Variants in MAML3 observed in about 807,000 individuals in gnomAD.
MAML3 encodes the protein mastermind like transcriptional coactivator 3.
In MAML3, 27 loss-of-function variants were observed where a neutral mutation model predicts 101.9. The ratio of observed to expected loss-of-function variants is 0.27; its 90% CI spans 0.20 to 0.37. The LOEUF is 0.37. Ranked by LOEUF, MAML3 falls within the 10% of genes least tolerant of loss-of-function variation. The pLI is 1.00. For synonymous variants in MAML3, 501 were observed against 555.9 expected (o/e 0.90, Z 1.39); for missense variants, 1,316 against 1,444.9 (o/e 0.91, Z 1.45).
chr4:140,029,406 T>C (rs1324058299), intron 1 of MAML3, among the ~76,000 whole-genome samples: 2 of 152,202 alleles, frequency 1.3e-5, no homozygotes, highest in East Asian at 3.8e-4. Flanking sequence ...ATATCCATGC[T>C]CACATTTGGA....
intron 2 of MAML3, among the ~76,000 whole-genome samples, chr4:139,880,873 A>G (rs1712325449): frequency 6.6e-6 from 1 of 152,204 alleles, no homozygotes; most frequent in African/African-American, 2.4e-5. Context: ...GCTCCAGTAC[A>G]ATCACAATAC....
chr4:140,094,920 A>C (rs1728130700), intron 1 of MAML3, among the ~76,000 whole-genome samples: 1 of 152,018 alleles, frequency 6.6e-6, no homozygotes, highest in Non-Finnish European at 1.5e-5. Flanking sequence ...CTCTTCTCCC[A>C]CCCTTCTAGC....
At chr4:139,809,095 T>C (rs1324110004) in intron 2 of MAML3, among the ~76,000 whole-genome samples, 1 of 152,220 alleles carries the variant, frequency 6.6e-6, no homozygotes, top group Non-Finnish European at 1.5e-5. Context: ...AGGGTTCTTA[T>C]TTCATCTCCA....
At chr4:139,930,076 C>T (rs1733351013) in intron 1 of MAML3, among the ~76,000 whole-genome samples, 1 of 152,214 alleles carries the variant, frequency 6.6e-6, no homozygotes, top group Non-Finnish European at 1.5e-5. Context: ...AAGGCTCTCA[C>T]AGAACAAAGC....
At chr4:139,817,723 G>A (rs1280557513) in intron 2 of MAML3, among the ~76,000 whole-genome samples, 1 of 152,296 alleles carries the variant, frequency 6.6e-6, no homozygotes, top group Non-Finnish European at 1.5e-5. Context: ...AAACTCTTCA[G>A]TGACTTTCCA....
Position 140,153,377 on chromosome 4 carries a change from CT to C in MAML3, c.-51del, listed in dbSNP as rs1239841094. The C allele has an allele frequency of 2.7e-6, 4 of 1,506,634 alleles. No individual in the cohort carries two copies. The highest frequency in any genetic ancestry group is 1.4e-5 in the African/African-American group (1 of 71,696). The allele number at this position is 1,506,634 out of a possible 1,614,324, so 93.3% of individuals were successfully genotyped here. A position where few individuals can be genotyped will look rare whatever the true frequency, so the allele number is the denominator to read the frequency against. ...GGAAGAACTTTTTTTATCCACCCCC[CT>C]ATCAGCCTCCTCCTTGGGTCCAAGG... On this transcript the variant is annotated 5_prime_UTR_variant, in exon 1 of 5. It adds an upstream start codon to the 5' untranslated region. Transcript: ENST00000509479.
chr4:140,058,410 T>A (rs1187606808), intron 1 of MAML3, among the ~76,000 whole-genome samples: 1 of 152,016 alleles, frequency 6.6e-6, no homozygotes, highest in Non-Finnish European at 1.5e-5. Flanking sequence ...AGAGTATTTT[T>A]AAAAATTACT....
intron 1 of MAML3, among the ~76,000 whole-genome samples, chr4:139,930,520 C>T (rs116472559): frequency 7.9e-5 from 12 of 152,308 alleles, no homozygotes; most frequent in African/African-American, 2.9e-4. Context: ...TATTAAGAAA[C>T]ATCTTTATAA....
At chr4:140,064,694 G>C (rs1244931483) in intron 1 of MAML3, among the ~76,000 whole-genome samples, 2 of 152,136 alleles carry the variant, frequency 1.3e-5, no homozygotes, top group African/African-American at 2.4e-5. Flanking sequence ...TTTAACAGTA[G>C]AGTGTATTCA....
intron 3 of MAML3, among the ~76,000 whole-genome samples, 162 bp from the exon 4 acceptor site, chr4:139,725,997 G>A (rs1728458643): frequency 6.6e-6 from 1 of 152,168 alleles, no homozygotes; most frequent in Admixed American, 6.5e-5. Flanking sequence ...TAAGGATAGA[G>A]TCAGGTAGGT....
intron 1 of MAML3, among the ~76,000 whole-genome samples, chr4:140,107,238 A>G (rs1728367079): frequency 6.6e-6 from 1 of 152,234 alleles, no homozygotes; most frequent in Admixed American, 6.5e-5. Context: ...TACTGAATGG[A>G]GGACCAATCT....
rs913545453 is a variant in MAML3 at position 140,147,165 on chromosome 4, G to A, written c.468+5695C>T. On this transcript the variant is annotated intron_variant, in intron 1 of 4. Coordinates refer to ENST00000509479, the MANE Select transcript of MAML3 (RefSeq NM_018717.5). ...AAAAAAAAAAAAAAAAAATTGTTAC[G>A]CCCTTGAATCTGGCTAGAATAATAC... 1.4e-4 allele frequency among the ~76,000 whole-genome samples: 20 copies of A among 144,672 alleles called. 1 individual carries two copies. The highest frequency in any genetic ancestry group is 8.7e-4 in the South Asian group (4 of 4,572). The allele number at this position is 144,672 out of a possible 152,430, so 94.9% of individuals were successfully genotyped here.
At chr4:139,828,293 AAGC>A (rs141111955) in intron 2 of MAML3, among the ~76,000 whole-genome samples, 2,588 of 152,348 alleles carry the variant, frequency 0.017, 32 homozygotes, top group Middle Eastern at 0.061. Context: ...GCTTCTTAAA[AAGC>A]ATAAAACAAA....
At chr4:140,116,726 G>T (rs1257369898) in intron 1 of MAML3, among the ~76,000 whole-genome samples, 1 of 152,166 alleles carries the variant, frequency 6.6e-6, no homozygotes, top group Non-Finnish European at 1.5e-5. Flanking sequence ...AACTGAAATG[G>T]CAGCAGGTTT....
At chr4:139,997,561 T>C (rs1309769499) in intron 1 of MAML3, among the ~76,000 whole-genome samples, 1 of 152,106 alleles carries the variant, frequency 6.6e-6, no homozygotes, top group Non-Finnish European at 1.5e-5. Flanking sequence ...TATCATTTCA[T>C]GTCTTTTAAA....
chr4:139,730,614 C>T lies in MAML3; in HGVS notation c.2133G>A (p.Val711=), dbSNP rs748009799. 3.1e-6 allele frequency: 5 copies of T among 1,612,776 alleles called. No individual in the cohort carries two copies. The highest frequency in any genetic ancestry group is 2.2e-5 in the South Asian group (2 of 90,548). The change falls in exon 3 of 5, where the codon GTG becomes GTA. Residue 711 remains valine, a synonymous_variant. Coordinates refer to ENST00000509479, the MANE Select transcript of MAML3 (RefSeq NM_018717.5). ...AGACCATGCCACCTGAGCCTGGGGG[C>T]ACGGAGGACTGCATGGGGCCTGTGG... ...PRTTGPMQSS[V]PPGSGGMVSG... is the part of the protein sequence containing the mutation.
At chr4:139,776,651 G>C (rs1730102813) in intron 2 of MAML3, among the ~76,000 whole-genome samples, 1 of 152,150 alleles carries the variant, frequency 6.6e-6, no homozygotes, top group Non-Finnish European at 1.5e-5. Flanking sequence ...CGCGCAAAAT[G>C]GTGCATTTAA....
In MAML3 at chr4:139,718,390, G is replaced by C. The variant is rs1183085726; in HGVS notation, c.*933C>G. Reference sequence around the variant, plus strand: ...GGATAGTCTGTAAGGAGAAGCAAGGGGAGGCTGGTGTGGAGGCAAGGAGGA... The same window carrying C: ...GGATAGTCTGTAAGGAGAAGCAAGGCGAGGCTGGTGTGGAGGCAAGGAGGA... On this transcript the variant is annotated 3_prime_UTR_variant, in exon 5 of 5. Transcript: ENST00000509479. 1.3e-5 allele frequency: 2 copies of C among 152,348 alleles called. No individual in the cohort carries two copies. Among genetic ancestry groups the C allele is most frequent in the Non-Finnish European group, 2.9e-5 (2 of 68,140 alleles). The allele number at this position is 152,348 out of a possible 1,614,324, so 9.4% of individuals were successfully genotyped here.
chr4:139,798,437 T>C (rs571405643), intron 2 of MAML3, among the ~76,000 whole-genome samples: 20 of 152,258 alleles, frequency 1.3e-4, no homozygotes, highest in South Asian at 2.1e-4. Context: ...CTGCAAAAAG[T>C]TCAGTGTCCA....
Sources: allele counts gnomAD v4.1 joint callset (sites outside exome capture counted in the v4.1 genomes callset), GRCh38; gene constraint gnomAD v4.1.1; transcripts MANE v1.5; gene names NCBI Gene and HGNC (gene_info 2026-07-23, HGNC 2026-07-21).